Variants in POU6F2 observed in about 807,000 individuals in gnomAD.
The protein encoded by POU6F2 is POU domain, class 6, transcription factor 2.
Under a neutral mutation model 71.3 loss-of-function variants are expected in POU6F2, and 31 were observed. The ratio of observed to expected loss-of-function variants is 0.43; its 90% CI spans 0.33 to 0.59. The LOEUF is 0.59. Among genes scored for constraint, POU6F2 ranks in the 20% least tolerant of loss-of-function variants. The probability of loss-of-function intolerance (pLI) is 0.04; values close to 1 mark genes in which losing one functional copy is unlikely to be tolerated. For missense variants in POU6F2, 783 were observed against 856.8 expected (o/e 0.91, Z 1.07); for synonymous variants, 347 against 355.7 (o/e 0.98, Z 0.27).
chr7:39,333,598 C>T (rs1475539413), intron 4 of POU6F2, among the ~76,000 whole-genome samples: 1 of 152,096 alleles, frequency 6.6e-6, no homozygotes, highest in African/African-American at 2.4e-5. Context: ...ATTAGCCTGG[C>T]ACAGTGGCAC....
rs1242887838 is a variant in POU6F2, at chr7:39,015,830, G to GTTCT, written c.105+37772_105+37773insTTCT. 7.7e-5 allele frequency among the ~76,000 whole-genome samples: 5 copies of GTTCT among 64,552 alleles called. 1 individual carries two copies. In the Admixed American group the frequency reaches 8.3e-4, roughly 11 times the overall value. The allele number at this position is 64,552 out of a possible 152,430, so 42.3% of individuals were successfully genotyped here. On this transcript the variant is annotated intron_variant, in intron 1 of 9. Transcript: ENST00000518318. The stretch of plus-strand genomic sequence containing the variant: ...ATTATATAGGTATATATTATATATA[G>GTTCT]ATATATAATATATTATATATAGATA...
intron 4 of POU6F2, among the ~76,000 whole-genome samples, chr7:39,271,684 G>A (rs1331162112): frequency 2.6e-5 from 4 of 152,114 alleles, no homozygotes; most frequent in East Asian, 1.9e-4. Context: ...AAACCTGCTC[G>A]ATGTGCCACA....
intron 1 of POU6F2, among the ~76,000 whole-genome samples, chr7:39,037,720 GA>G (rs997118071): frequency 1.3e-5 from 2 of 151,958 alleles, no homozygotes; most frequent in African/African-American, 4.8e-5. Flanking sequence ...CATGTTTGTT[GA>G]TATTTTTCAA....
intron 1 of POU6F2, among the ~76,000 whole-genome samples, chr7:39,058,522 A>C (rs1051708037): frequency 1.3e-5 from 2 of 152,206 alleles, no homozygotes; most frequent in African/African-American, 4.8e-5. Flanking sequence ...TTCCGCTAGA[A>C]TTTGGGAAAT....
intron 1 of POU6F2, among the ~76,000 whole-genome samples, chr7:39,049,510 T>G (rs952531566): frequency 6.6e-6 from 1 of 152,060 alleles, no homozygotes; most frequent in Non-Finnish European, 1.5e-5. Context: ...AATTCCGTTG[T>G]AGTCATAGAA....
rs57522481 is a variant in POU6F2 at position 39,427,385 on chromosome 7, T to A, written c.1114-5692T>A. Among the ~76,000 whole-genome samples the A allele has an allele frequency of 9.9e-3, 1,503 of 152,290 alleles. 20 individuals carry two copies. The highest frequency in any genetic ancestry group is 0.034 in the African/African-American group (1,427 of 41,544). On this transcript the variant is annotated intron_variant, in intron 6 of 9. Coordinates refer to ENST00000518318, the MANE Select transcript of POU6F2 (RefSeq NM_001370959.1). Reference sequence around the variant, plus strand: ...TTTTTCCTTGGTACACATCTTAAACTCTATTAAGGAGAATTACCTTTAATG... The same window carrying A: ...TTTTTCCTTGGTACACATCTTAAACACTATTAAGGAGAATTACCTTTAATG...
chr7:39,250,145 G>A (rs998029862), intron 4 of POU6F2, among the ~76,000 whole-genome samples: 2 of 152,040 alleles, frequency 1.3e-5, no homozygotes, highest in East Asian at 1.9e-4. Flanking sequence ...GCATTTTCAC[G>A]TGTCTTATTC....
intron 4 of POU6F2, among the ~76,000 whole-genome samples, chr7:39,293,187 G>A (rs1784793715): frequency 6.6e-6 from 1 of 152,144 alleles, no homozygotes; most frequent in Non-Finnish European, 1.5e-5. Context: ...TCTCTGCTGC[G>A]GGTCAGCTGG....
intron 4 of POU6F2, among the ~76,000 whole-genome samples, chr7:39,307,375 G>A (rs1016369821): frequency 2.6e-5 from 4 of 152,068 alleles, no homozygotes; most frequent in Non-Finnish European, 5.9e-5. Context: ...AATTACAAAT[G>A]TAAAAGTTAG....
intron 5 of POU6F2, among the ~76,000 whole-genome samples, chr7:39,366,705 G>A (rs1362175367): frequency 1.3e-5 from 2 of 152,148 alleles, no homozygotes; most frequent in Admixed American, 6.5e-5. Flanking sequence ...AAGGTGTGGG[G>A]CATAGTCTGA....
chr7:39,320,157 A>G (rs1785354197), intron 4 of POU6F2, among the ~76,000 whole-genome samples: 1 of 152,206 alleles, frequency 6.6e-6, no homozygotes. Flanking sequence ...GAGGCTAGAT[A>G]AGAATTCTTA....
chr7:39,014,899 T>C (rs919994316), intron 1 of POU6F2, among the ~76,000 whole-genome samples: 2 of 152,104 alleles, frequency 1.3e-5, no homozygotes, highest in East Asian at 1.9e-4. Context: ...TGGAACCGTT[T>C]CCATGAAGCT....
chr7:39,464,266 C>G lies in POU6F2; in HGVS notation c.1743C>G (p.Asn581Lys). ...CTAGCAGTCTGACAGCCAAACTGAA[C>G]CCTGGCCTTTTGTATCCTGCCAGGT... ...TIASSLTAKL[N>K]PGLLYPARFE... The change falls in exon 10 of 10, where the codon AAC becomes AAG. Residue 581 changes from asparagine (N) to lysine (K), a missense_variant. Transcript: ENST00000518318. The surrounding 1 kb of genome is among the most constrained non-coding windows in gnomAD (Gnocchi z 4.1). The G allele has an allele frequency of 6.2e-7, 1 of 1,614,028 alleles. No individual in the cohort carries two copies. The highest frequency in any genetic ancestry group is 8.5e-7 in the Non-Finnish European group (1 of 1,179,880).
At chr7:39,133,927 T>A (rs1008601972) in intron 2 of POU6F2, among the ~76,000 whole-genome samples, 8 of 152,194 alleles carry the variant, frequency 5.3e-5, no homozygotes, top group African/African-American at 1.9e-4. Context: ...CAGGCTGGAG[T>A]ACAGTGGCAT....
At chr7:39,076,281 A>G (rs1461916182) in intron 1 of POU6F2, among the ~76,000 whole-genome samples, 4 of 149,156 alleles carry the variant, frequency 2.7e-5, no homozygotes. Context: ...CTATCAATCA[A>G]CCAGTCAAAC....
chr7:39,135,662 A>G (rs1354414470), intron 2 of POU6F2, among the ~76,000 whole-genome samples: 2 of 152,210 alleles, frequency 1.3e-5, no homozygotes, highest in African/African-American at 4.8e-5. Flanking sequence ...AACCTGATAA[A>G]GAAAATAGAA....
intron 1 of POU6F2, among the ~76,000 whole-genome samples, chr7:39,011,891 C>T (rs1280272646): frequency 0.012 from 1,855 of 151,936 alleles, 17 homozygotes; most frequent in Non-Finnish European, 0.018. Context: ...GCCGAGAGAT[C>T]CGCTGTTCGT....
chr7:39,067,211 T>C (rs1562692473), intron 1 of POU6F2, among the ~76,000 whole-genome samples: 1 of 149,958 alleles, frequency 6.7e-6, no homozygotes, highest in Non-Finnish European at 1.5e-5. Context: ...AATGGATTAT[T>C]CAACTAATTA....
chr7:39,333,589 T>C (rs1273954135), intron 4 of POU6F2, among the ~76,000 whole-genome samples: 1 of 151,918 alleles, frequency 6.6e-6, no homozygotes. Context: ...ATACAAAAAA[T>C]TAGCCTGGCA....
Sources: allele counts gnomAD v4.1 joint callset (sites outside exome capture counted in the v4.1 genomes callset), GRCh38; gene constraint gnomAD v4.1.1; non-coding constraint Gnocchi (gnomAD v3.1); transcripts MANE v1.5; gene names NCBI Gene and HGNC (gene_info 2026-07-23, HGNC 2026-07-21).